Variants in DACH2 observed in about 807,000 individuals in gnomAD.
DACH2 encodes dachshund homolog 2.
Under a neutral mutation model 35.8 loss-of-function variants are expected in DACH2, and 17 were observed. The observed-to-expected ratio is 0.48, with a 90% CI of 0.33 to 0.71. DACH2 has a LOEUF of 0.71. Ranked by LOEUF, DACH2 falls within the 30% of genes least tolerant of loss-of-function variation. The probability of loss-of-function intolerance (pLI) is 0.02; values close to 1 mark genes in which losing one functional copy is unlikely to be tolerated. For synonymous variants in DACH2, 195 were observed against 177.3 expected, an observed-to-expected ratio of 1.10 and a Z score of -0.79; for missense variants, 469 against 472.7, an observed-to-expected ratio of 0.99 and a Z score of 0.07.
chrX:86,442,745 A>C (rs150725997), intron 2 of DACH2, among the ~76,000 whole-genome samples: 8 of 111,031 alleles, frequency 7.2e-5, no homozygotes, highest in Non-Finnish European at 1.5e-4. Context: ...GAGATAAGGG[A>C]CTTCTAGCTT....
chrX:86,282,249 A>G (rs1393627747), intron 1 of DACH2, among the ~76,000 whole-genome samples: 3 of 111,726 alleles, frequency 2.7e-5, no homozygotes, highest in Non-Finnish European at 5.6e-5. Flanking sequence ...CTGACTTCAA[A>G]CTATACTACA....
chrX:86,266,669 G>A (rs2033718880), intron 1 of DACH2, among the ~76,000 whole-genome samples: 1 of 111,228 alleles, frequency 9.0e-6, no homozygotes, highest in South Asian at 3.8e-4. Context: ...CTTTGCAATT[G>A]ACTATGATTG....
intron 3 of DACH2, among the ~76,000 whole-genome samples, chrX:86,597,980 A>C (rs1455695089): frequency 2.7e-5 from 3 of 111,728 alleles, no homozygotes; most frequent in Non-Finnish European, 3.8e-5. Context: ...GTGGAAGGTG[A>C]AAGGCACATT....
intron 1 of DACH2, among the ~76,000 whole-genome samples, chrX:86,274,557 T>G: frequency 1.1e-5 from 1 of 88,678 alleles, no homozygotes. Context: ...AGCAGTGGCG[T>G]GATCTCGGCT....
At chrX:86,512,256 G>T (rs990532530) in intron 2 of DACH2, among the ~76,000 whole-genome samples, 1 of 110,342 alleles carries the variant, frequency 9.1e-6, no homozygotes, top group African/African-American at 3.3e-5. Context: ...TATAACATGG[G>T]GAATAGATAG....
At chrX:86,325,242 G>T (rs906116872) in intron 1 of DACH2, among the ~76,000 whole-genome samples, 12 of 111,859 alleles carry the variant, frequency 1.1e-4, no homozygotes, top group Middle Eastern at 4.7e-3. Flanking sequence ...GGTATCTAAA[G>T]CATATGACTT....
intron 7 of DACH2, among the ~76,000 whole-genome samples, chrX:86,760,439 A>G (rs1329314094): frequency 9.0e-6 from 1 of 111,606 alleles, no homozygotes; most frequent in Non-Finnish European, 1.9e-5. Flanking sequence ...ATTTCAAAAT[A>G]CCTGTCTTCA....
At chrX:86,217,832 G>A (rs1044796645) in intron 1 of DACH2, among the ~76,000 whole-genome samples, 7 of 111,880 alleles carry the variant, frequency 6.3e-5, no homozygotes, top group African/African-American at 1.9e-4. Flanking sequence ...TGTAGGAAGC[G>A]TAAGAAACCA....
rs557064580 is a variant in DACH2 at position 86,606,210 on chromosome X, C to A, written c.641-44826C>A. 2.7e-5 allele frequency among the ~76,000 whole-genome samples: 3 copies of A among 109,968 alleles called. No homozygotes were observed. In the South Asian group the frequency reaches 1.1e-3, roughly 41 times the overall value. ...TCTTCTGCTCTAATCTTTATTATATCTTTTTTCTAGTAATTTTGGGTTTTG... is the reference window on the plus strand; with the variant it reads ...TCTTCTGCTCTAATCTTTATTATATATTTTTTCTAGTAATTTTGGGTTTTG... On this transcript the variant is annotated intron_variant, in intron 3 of 11. Transcript: ENST00000373125.
chrX:86,493,860 C>T (rs151063118), intron 2 of DACH2, among the ~76,000 whole-genome samples: 19 of 111,890 alleles, frequency 1.7e-4, no homozygotes, highest in African/African-American at 5.8e-4. Context: ...AGGGTGTGAG[C>T]CAGACAGTTT....
chrX:86,296,241 C>T (rs1445914284), intron 1 of DACH2, among the ~76,000 whole-genome samples: 1 of 103,196 alleles, frequency 9.7e-6, no homozygotes, highest in Admixed American at 1.1e-4. Flanking sequence ...ATTAGCCGGG[C>T]GTGATGGTGG....
chrX:86,731,365 C>T (rs745714413), intron 6 of DACH2, among the ~76,000 whole-genome samples: 1 of 111,506 alleles, frequency 9.0e-6, no homozygotes, highest in South Asian at 3.7e-4. Flanking sequence ...TGAGCAGGTC[C>T]AAGGCAGCAC....
intron 1 of DACH2, among the ~76,000 whole-genome samples, chrX:86,230,885 G>C (rs1464241195): frequency 9.0e-6 from 1 of 111,239 alleles, no homozygotes; most frequent in Admixed American, 9.5e-5. Context: ...TTTTTCCTTA[G>C]GTTAATCTTG....
At chrX:86,748,186 A>G (rs1278262577) in intron 7 of DACH2, among the ~76,000 whole-genome samples, 1 of 112,125 alleles carries the variant, frequency 8.9e-6, no homozygotes. Flanking sequence ...AGTCATCCAC[A>G]AGGGTTGGAA....
intron 2 of DACH2, among the ~76,000 whole-genome samples, chrX:86,382,461 T>TACACACACACACACACACACACACAC (rs55825336): frequency 3.2e-5 from 3 of 94,613 alleles, no homozygotes; most frequent in Admixed American, 1.1e-4. Flanking sequence ...GCTACATTCA[T>TACACACACACACACACACACACACAC]ACACACACAC....
At chrX:86,241,771 C>T (rs769623639) in intron 1 of DACH2, among the ~76,000 whole-genome samples, 1 of 112,455 alleles carries the variant, frequency 8.9e-6, no homozygotes, top group East Asian at 2.8e-4. Context: ...GGCTCAGCTA[C>T]TCTGTGCAGC....
At chrX:86,715,356 G>A (rs764403440) in intron 6 of DACH2, among the ~76,000 whole-genome samples, 24 of 111,647 alleles carry the variant, frequency 2.1e-4, no homozygotes, top group African/African-American at 7.1e-4. Flanking sequence ...TATTTTTCAA[G>A]TTTATGGGCA....
rs185140230 is a variant in DACH2, at chrX:86,518,167, C to A, written c.640+3776C>A. On this transcript the variant is annotated intron_variant, in intron 3 of 11. Transcript: ENST00000373125. ...TGAATAAGAAAGTTTTCTTCCTATT[C>A]CTTATTTTTGTCTGCTTTGTTGAAG... 4.3e-4 allele frequency among the ~76,000 whole-genome samples: 48 copies of A among 111,945 alleles called. 1 individual carries two copies. The highest frequency in any genetic ancestry group is 1.4e-3 in the African/African-American group (43 of 30,865).
intron 1 of DACH2, among the ~76,000 whole-genome samples, chrX:86,296,696 C>A: frequency 9.0e-6 from 1 of 111,141 alleles, no homozygotes. Context: ...TGTACACATA[C>A]ATATCACTTT....
Sources: gnomAD v4.1 joint callset for allele counts (sites outside exome capture counted in the v4.1 genomes callset) on GRCh38, gnomAD v4.1.1 for gene constraint, MANE v1.5 for transcripts, NCBI Gene and HGNC (gene_info 2026-07-23, HGNC 2026-07-21) for gene names.